Variants in SMAD3 observed in about 807,000 individuals in gnomAD.
SMAD3 encodes SMAD family member 3, also known as MAD homolog 3.
In SMAD3, 12 loss-of-function variants were observed where a neutral mutation model predicts 51.8. The ratio of observed to expected loss-of-function variants is 0.23; its 90% CI spans 0.15 to 0.38. SMAD3 has a LOEUF of 0.38. Ranked by LOEUF, SMAD3 falls within the 10% of genes least tolerant of loss-of-function variation. The pLI, the probability that SMAD3 is intolerant of heterozygous loss-of-function variation, is 1.00. For synonymous variants in SMAD3, 238 were observed against 227.7 expected (o/e 1.05, Z -0.41); for missense variants, 294 against 565.6 (o/e 0.52, Z 4.87).
chr15:67,165,784 C>T (rs979433246), intron 3 of SMAD3, among the ~76,000 whole-genome samples: 1 of 152,218 alleles, frequency 6.6e-6, no homozygotes. Flanking sequence ...GGAGAGCTGG[C>T]TCTGTAAATT....
rs1441513082 is a variant in SMAD3, at chr15:67,190,813, A to G, written c.*277A>G. On this transcript the variant is annotated 3_prime_UTR_variant, in exon 9 of 9. Transcript: ENST00000327367. ...GGTGGCTTAAGTGAGCAGAACAGGT[A>G]GTATTACACCACCGGCCCCCTCCCC... 4 of 511,734 alleles carry G rather than the reference A, an allele frequency of 7.8e-6. No homozygotes were observed. The East Asian group carries it at 9.7e-5, about 12-fold the overall frequency. The allele number at this position is 511,734 out of a possible 1,614,324, so 31.7% of individuals were successfully genotyped here. A position where few individuals can be genotyped will look rare whatever the true frequency, so the allele number is the denominator to read the frequency against.
rs1405462521 is a variant in SMAD3, at chr15:67,075,460, G to A, written c.206+9100G>A. ...GCAGGAGAGGGGGAGGACAGGAAGA[G>A]CACAGTTGGGCAGAAAGAGCAAAGC... On this transcript the variant is annotated intron_variant, in intron 1 of 8. Transcript: ENST00000327367. Among the ~76,000 whole-genome samples, 9 of 152,194 alleles carry A rather than the reference G, an allele frequency of 5.9e-5. No homozygotes were observed. In the East Asian group the frequency reaches 1.7e-3, roughly 29 times the overall value.
At chr15:67,136,983 A>C (rs1030393695) in intron 1 of SMAD3, among the ~76,000 whole-genome samples, 12 of 152,212 alleles carry the variant, frequency 7.9e-5, no homozygotes, top group African/African-American at 2.9e-4. Flanking sequence ...AGGGCTGGGC[A>C]TCTCCTGGTG....
intron 1 of SMAD3, among the ~76,000 whole-genome samples, chr15:67,151,890 T>C (rs539296939): frequency 1.3e-5 from 2 of 152,206 alleles, no homozygotes; most frequent in African/African-American, 2.4e-5. Flanking sequence ...TATGTTACTA[T>C]ATAAGCATTC....
At chr15:67,139,182 C>T (rs1412527719) in intron 1 of SMAD3, among the ~76,000 whole-genome samples, 1 of 152,130 alleles carries the variant, frequency 6.6e-6, no homozygotes, top group Non-Finnish European at 1.5e-5. Flanking sequence ...AAGAAGGGGG[C>T]TAGAGGGATT....
intron 1 of SMAD3, among the ~76,000 whole-genome samples, chr15:67,152,707 C>G (rs1314843226): frequency 2.0e-5 from 3 of 152,166 alleles, no homozygotes; most frequent in Non-Finnish European, 2.9e-5. Context: ...GCAACTTTTC[C>G]CTTTCTTCCA....
At chr15:67,118,627 A>C (rs1380603228) in intron 1 of SMAD3, among the ~76,000 whole-genome samples, 1 of 152,224 alleles carries the variant, frequency 6.6e-6, no homozygotes, top group Non-Finnish European at 1.5e-5. Context: ...TTCATCCAGC[A>C]TGGGAACACA....
intron 1 of SMAD3, chr15:67,098,548 C>T (rs995186972): frequency 6.3e-5 from 22 of 350,682 alleles, no homozygotes; most frequent in Non-Finnish European, 9.6e-5. Flanking sequence ...TCCTCAGCCC[C>T]GGTAGCCTGT....
intron 1 of SMAD3, 121 bp from the exon 2 acceptor site, chr15:67,164,774 G>A: frequency 4.7e-6 from 5 of 1,054,706 alleles, no homozygotes; most frequent in Non-Finnish European, 7.4e-6. Flanking sequence ...TGGACCTCTG[G>A]ATCTGGGAGA....
At chr15:67,184,595 CG>C in intron 6 of SMAD3, 131 bp from the exon 7 acceptor site, 1 of 1,128,094 alleles carries the variant, frequency 8.9e-7, no homozygotes, top group Non-Finnish European at 1.3e-6. Context: ...CTTTGGGGCC[CG>C]TTTGCCTGGG....
intron 1 of SMAD3, among the ~76,000 whole-genome samples, chr15:67,121,531 T>C (rs1286276311): frequency 6.6e-6 from 1 of 152,198 alleles, no homozygotes; most frequent in Non-Finnish European, 1.5e-5. Flanking sequence ...AGAGAGAGCT[T>C]GCTCTTGGGG....
At chr15:67,116,750 G>T (rs1961143955) in intron 1 of SMAD3, among the ~76,000 whole-genome samples, 1 of 152,152 alleles carries the variant, frequency 6.6e-6, no homozygotes, top group South Asian at 2.1e-4. Flanking sequence ...CAGGAAGGGA[G>T]CAAGACCCTT....
chr15:67,161,246 T>C (rs1962423761), intron 1 of SMAD3, among the ~76,000 whole-genome samples: 1 of 152,268 alleles, frequency 6.6e-6, no homozygotes, highest in Non-Finnish European at 1.5e-5. Flanking sequence ...TATATGTAAC[T>C]ATTTCTGGAC....
In SMAD3 at chr15:67,193,498, T is replaced by C. The variant is rs188022958; in HGVS notation, c.*2962T>C. On this transcript the variant is annotated 3_prime_UTR_variant, in exon 9 of 9. Coordinates refer to ENST00000327367, the MANE Select transcript of SMAD3 (RefSeq NM_005902.4). ...TGCTTCCAGCACATACGTAGGTAGC[T>C]ACCCCAGCCGGTTTGGATTACAGGC... 3.4e-4 allele frequency: 79 copies of C among 233,856 alleles called. No homozygotes were observed. The highest frequency in any genetic ancestry group is 5.7e-4 in the Non-Finnish European group (67 of 118,046). The allele number at this position is 233,856 out of a possible 1,614,324, so 14.5% of individuals were successfully genotyped here.
Position 67,137,943 on chromosome 15 carries a change from A to C in SMAD3, c.207-26952A>C, listed in dbSNP as rs558176739. ...CGACAGAGAAAATAGGAGGTACTAGAATTCGGACTTCTAGGAAGGGCTGTA... is the reference window on the plus strand; with the variant it reads ...CGACAGAGAAAATAGGAGGTACTAGCATTCGGACTTCTAGGAAGGGCTGTA... On this transcript the variant is annotated intron_variant, in intron 1 of 8. Transcript: ENST00000327367. 3 of 962,218 alleles carry C rather than the reference A, an allele frequency of 3.1e-6. No homozygotes were observed. The African/African-American group carries it at 4.9e-5, about 16-fold the overall frequency. 59.6% of individuals were successfully genotyped at this position (962,218 alleles called of 1,614,324 possible).
chr15:67,137,661 C>T (rs1235910842), intron 1 of SMAD3, among the ~76,000 whole-genome samples: 3 of 152,088 alleles, frequency 2.0e-5, no homozygotes, highest in Non-Finnish European at 4.4e-5. Flanking sequence ...AAGGAGTGTG[C>T]TTTTTCAGTT....
intron 1 of SMAD3, among the ~76,000 whole-genome samples, chr15:67,109,659 G>A (rs140005174): frequency 1.1e-4 from 16 of 152,338 alleles, no homozygotes; most frequent in African/African-American, 3.8e-4. Context: ...AAGGAAAAGC[G>A]AGAGGGGGAA....
chr15:67,121,392 A>C (rs1239238966), intron 1 of SMAD3, among the ~76,000 whole-genome samples: 2 of 151,902 alleles, frequency 1.3e-5, no homozygotes, highest in African/African-American at 4.8e-5. Context: ...CCCACGAGTG[A>C]CTGTGCCTGG....
At position 67,181,471 on chromosome 15, in the gene SMAD3, T is replaced by TGGGCCCCCCCCCCCCCCCCCCCC; in HGVS notation, c.871+18_871+19insGGGCCCCCCCCCCCCCCCCCCCC. The TGGGCCCCCCCCCCCCCCCCCCCC allele has an allele frequency of 6.6e-7, 1 of 1,521,098 alleles. No homozygotes were observed. The highest frequency in any genetic ancestry group is 8.8e-7 in the Non-Finnish European group (1 of 1,132,010). 94.2% of individuals were successfully genotyped at this position (1,521,098 alleles called of 1,614,324 possible). A position where few individuals can be genotyped will look rare whatever the true frequency, so the allele number is the denominator to read the frequency against. On this transcript the variant is annotated intron_variant, in intron 6 of 8. Coordinates refer to ENST00000327367, the MANE Select transcript of SMAD3 (RefSeq NM_005902.4). The stretch of plus-strand genomic sequence containing the variant: ...ACACATCGGTATGGGGTGGCTCCAT[T>TGGGCCCCCCCCCCCCCCCCCCCC]CCCCGCCCCCCCACCCTGCCCCTGC...
Sources: gnomAD v4.1 joint callset for allele counts (sites outside exome capture counted in the v4.1 genomes callset) on GRCh38, gnomAD v4.1.1 for gene constraint, MANE v1.5 for transcripts, NCBI Gene and HGNC (gene_info 2026-07-23, HGNC 2026-07-21) for gene names.